The following CLASP1 variants were observed in gnomAD, a reference collection of about 807,000 sequenced individuals.
The protein encoded by CLASP1 is CLIP-associating protein 1.
In CLASP1, 38 loss-of-function variants were observed where a neutral mutation model predicts 192.3. That is an observed-to-expected ratio of 0.20 (90% CI 0.15 to 0.26). CLASP1 has a LOEUF of 0.26. Ranked by LOEUF, CLASP1 falls within the 10% of genes least tolerant of loss-of-function variation. CLASP1 has a pLI of 1.00. For missense variants in CLASP1, 1,433 were observed against 1,932.5 expected (o/e 0.74, Z 4.85); for synonymous variants, 691 against 712.8 (o/e 0.97, Z 0.49).
chr2:121,555,997 T>C (rs928901187), intron 2 of CLASP1, among the ~76,000 whole-genome samples: 5 of 104,688 alleles, frequency 4.8e-5, no homozygotes, highest in African/African-American at 1.9e-4. Flanking sequence ...GCTTTTTTTT[T>C]TTTTTTTTTT....
intron 1 of CLASP1, among the ~76,000 whole-genome samples, chr2:121,615,369 AC>A (rs2066280359): frequency 1.3e-5 from 2 of 152,106 alleles, no homozygotes; most frequent in African/African-American, 2.4e-5. Context: ...TAGTTACAGC[AC>A]TTAAGGAAAA....
At position 121,530,345 on chromosome 2, in the gene CLASP1, G is replaced by A. The variant is rs745644712; in HGVS notation, c.196-20C>T. 9.3e-5 allele frequency: 143 copies of A among 1,542,202 alleles called. No individual in the cohort carries two copies. Among genetic ancestry groups the A allele is most frequent in the Middle Eastern group, 2.1e-4 (1 of 4,862 alleles). On this transcript the variant is annotated intron_variant, in intron 2 of 39. Transcript: ENST00000263710. ...AACCACCTGCAGCGGGAAACACCGG[G>A]AGCCTGTTAGCAGCCGGCCTGCGGG...
chr2:121,538,368 C>T (rs1235828285), intron 2 of CLASP1, among the ~76,000 whole-genome samples: 6 of 151,744 alleles, frequency 4.0e-5, no homozygotes, highest in South Asian at 4.1e-4. Context: ...CCCAAGATTG[C>T]GCCATTGTAC....
exon 2 of CLASP1, chr2:121,605,883 T>C: frequency 1.9e-6 from 3 of 1,613,910 alleles, no homozygotes; most frequent in Non-Finnish European, 2.5e-6. Context: ...CAGGACTCCA[T>C]GCGAGGCTCC....
chr2:121,500,338 G>T (rs945971691), intron 8 of CLASP1, among the ~76,000 whole-genome samples: 1 of 115,672 alleles, frequency 8.6e-6, no homozygotes, highest in Non-Finnish European at 1.8e-5. Flanking sequence ...AAGAAGGAAA[G>T]AAAGAAAAAG....
In CLASP1 at chr2:121,449,135, C is replaced by A. The variant is rs753514452; in HGVS notation, c.1524-15G>T. The A allele has an allele frequency of 1.2e-6, 2 of 1,612,468 alleles. No homozygotes were observed. Among genetic ancestry groups the A allele is most frequent in the Non-Finnish European group, 1.7e-6 (2 of 1,178,976 alleles). ...CCCAGTAACATCTAGAGGAAACACA[C>A]AAAATCCTGGTCTAATTCAAGGATC... On this transcript the variant is annotated splice_polypyrimidine_tract_variant and intron_variant, in intron 16 of 39. Transcript: ENST00000263710.
At chr2:121,393,899 C>A (rs2074812559) in intron 30 of CLASP1, among the ~76,000 whole-genome samples, 1 of 151,258 alleles carries the variant, frequency 6.6e-6, no homozygotes, top group South Asian at 2.1e-4. Flanking sequence ...CCAGAGGGTG[C>A]CAGAATACAG....
chr2:121,369,664 C>T (rs555984889), intron 34 of CLASP1, among the ~76,000 whole-genome samples: 1 of 152,314 alleles, frequency 6.6e-6, no homozygotes, highest in African/African-American at 2.4e-5. Context: ...TTCTGTTTTC[C>T]TTTCCCTACA....
chr2:121,607,562 G>A (rs998747154), intron 1 of CLASP1, among the ~76,000 whole-genome samples: 3 of 152,110 alleles, frequency 2.0e-5, no homozygotes, highest in Non-Finnish European at 4.4e-5. Flanking sequence ...CTGGAGCATT[G>A]TACAAATTTA....
At chr2:121,440,033 T>G (rs1029268066) in intron 19 of CLASP1, among the ~76,000 whole-genome samples, 5 of 147,806 alleles carry the variant, frequency 3.4e-5, no homozygotes, top group South Asian at 2.2e-4. Context: ...CGTATACATA[T>G]GTAACTAACC....
At chr2:121,543,226 C>T (rs2095267688) in intron 2 of CLASP1, among the ~76,000 whole-genome samples, 2 of 152,078 alleles carry the variant, frequency 1.3e-5, no homozygotes, top group African/African-American at 4.8e-5. Flanking sequence ...GCCATGGAAA[C>T]TTGGGGCACC....
At chr2:121,415,600 A>G (rs1265524798) in intron 23 of CLASP1, among the ~76,000 whole-genome samples, 1 of 152,232 alleles carries the variant, frequency 6.6e-6, no homozygotes, top group East Asian at 1.9e-4. Context: ...TATTGACTAC[A>G]GTTTCATGCA....
At chr2:121,493,900 T>A in intron 8 of CLASP1, among the ~76,000 whole-genome samples, 1 of 152,176 alleles carries the variant, frequency 6.6e-6, no homozygotes, top group East Asian at 1.9e-4. Flanking sequence ...CAATGAGGTA[T>A]CATCTCACCC....
At chr2:121,530,974 G>GT (rs2094803862) in intron 2 of CLASP1, 4 of 700,352 alleles carry the variant, frequency 5.7e-6, no homozygotes, top group Non-Finnish European at 1.0e-5. Context: ...ATCAACTAGA[G>GT]CTTTTGCTTT....
At chr2:121,495,652 A>C (rs889292785) in intron 8 of CLASP1, among the ~76,000 whole-genome samples, 6 of 152,204 alleles carry the variant, frequency 3.9e-5, no homozygotes, top group Non-Finnish European at 5.9e-5. Context: ...CAAGAGCAAA[A>C]CTCCATCTCA....
chr2:121,463,366 A>G (rs553633134), intron 9 of CLASP1, among the ~76,000 whole-genome samples: 1 of 152,290 alleles, frequency 6.6e-6, no homozygotes, highest in South Asian at 2.1e-4. Context: ...TCTGGTGTTC[A>G]GGGTCCTGAT....
chr2:121,509,821 G>A (rs1370532511), intron 7 of CLASP1, among the ~76,000 whole-genome samples: 1 of 152,066 alleles, frequency 6.6e-6, no homozygotes, highest in Non-Finnish European at 1.5e-5. Context: ...CTGGACAAAA[G>A]AGTGAGACTC....
chr2:121,482,957 C>T (rs1307658387), intron 8 of CLASP1, among the ~76,000 whole-genome samples: 1 of 152,214 alleles, frequency 6.6e-6, no homozygotes, highest in African/African-American at 2.4e-5. Context: ...GCTTCTGCTT[C>T]TCCCACTTGC....
chr2:121,597,177 T>C (rs780412944), intron 2 of CLASP1, among the ~76,000 whole-genome samples: 1 of 152,232 alleles, frequency 6.6e-6, no homozygotes, highest in Non-Finnish European at 1.5e-5. Context: ...ACTAGTTTTA[T>C]CACCTTGAAC....
Sources: allele counts gnomAD v4.1 joint callset (sites outside exome capture counted in the v4.1 genomes callset), GRCh38; gene constraint gnomAD v4.1.1; transcripts MANE v1.5; gene names NCBI Gene and HGNC (gene_info 2026-07-23, HGNC 2026-07-21).